Variants in STAT4 observed in about 807,000 individuals in gnomAD.
STAT4 encodes the protein signal transducer and activator of transcription 4.
STAT4 carries 42 observed loss-of-function variants against 110.5 expected under a neutral mutation model. That is an observed-to-expected ratio of 0.38 (90% CI 0.30 to 0.49). STAT4 has a LOEUF of 0.49. Among genes scored for constraint, STAT4 ranks in the 20% least tolerant of loss-of-function variants. The probability of loss-of-function intolerance (pLI) is 0.95; values close to 1 mark genes in which losing one functional copy is unlikely to be tolerated. For synonymous variants in STAT4, 284 were observed against 302.2 expected (o/e 0.94, Z 0.63); for missense variants, 632 against 887.9 (o/e 0.71, Z 3.66).
chr2:191,071,877 G>A (rs1229565016), intron 5 of STAT4, among the ~76,000 whole-genome samples: 4 of 152,202 alleles, frequency 2.6e-5, no homozygotes, highest in Non-Finnish European at 5.9e-5. Context: ...ATGGAGCTAA[G>A]TGAGCATGTG....
intron 8 of STAT4, among the ~76,000 whole-genome samples, chr2:191,063,703 T>C (rs1446426564): frequency 6.6e-6 from 1 of 152,220 alleles, no homozygotes; most frequent in Non-Finnish European, 1.5e-5. Context: ...CCCTGCTGAT[T>C]TGGGGTATGA....
chr2:191,042,893 C>A lies in STAT4; in HGVS notation c.1252-1745G>T, dbSNP rs1696247454. The stretch of plus-strand genomic sequence containing the variant: ...CTCCTGGGTCCAAGTGATTCTCCTG[C>A]CTCAGCCTTCTGAGTAGCTGGGATT... On this transcript the variant is annotated intron_variant, in intron 14 of 23. Coordinates refer to ENST00000392320, the MANE Select transcript of STAT4 (RefSeq NM_003151.4). The surrounding 1 kb of genome is among the most constrained non-coding windows in gnomAD (Gnocchi z 4.2). Among the ~76,000 whole-genome samples, 1 of 152,094 alleles carries A rather than the reference C, an allele frequency of 6.6e-6. No homozygotes were observed. The highest frequency in any genetic ancestry group is 2.4e-5 in the African/African-American group (1 of 41,410).
intron 4 of STAT4, among the ~76,000 whole-genome samples, chr2:191,075,837 C>CTTTCT (rs1697300316): frequency 4.9e-5 from 6 of 121,478 alleles, no homozygotes; most frequent in Admixed American, 8.5e-5. Context: ...TTCTTTCTTT[C>CTTTCT]TTTTTTTTTT....
intron 3 of STAT4, among the ~76,000 whole-genome samples, chr2:191,098,746 T>C (rs1423147813): frequency 6.6e-6 from 1 of 152,156 alleles, no homozygotes; most frequent in Non-Finnish European, 1.5e-5. Context: ...ACCCTAGAAC[T>C]TAAAGTATAA....
At position 191,072,100 on chromosome 2, in the gene STAT4, C is replaced by G. The variant is rs914929000; in HGVS notation, c.465+998G>C. On this transcript the variant is annotated intron_variant, in intron 5 of 23. Transcript: ENST00000392320. The stretch of plus-strand genomic sequence containing the variant: ...CTCAAAACAGTTGGGGATCCATGTA[C>G]AGGCCTGGTAAAGATCTGCTCGGGG... 1.3e-4 allele frequency among the ~76,000 whole-genome samples: 20 copies of G among 152,296 alleles called. No homozygotes were observed. The South Asian group carries it at 2.5e-3, about 19-fold the overall frequency.
chr2:191,091,505 G>A lies in STAT4; in HGVS notation c.274-15180C>T, dbSNP rs952253940. Among the ~76,000 whole-genome samples the A allele has an allele frequency of 6.6e-6, 1 of 152,172 alleles. No individual in the cohort carries two copies. The highest frequency in any genetic ancestry group is 6.5e-5 in the Admixed American group (1 of 15,278). Reference sequence around the variant, plus strand: ...ATAAAAATATTAATTGTCTCAAAATGAGTATGTGTGTTTAATGCAATTAAA... The same window carrying A: ...ATAAAAATATTAATTGTCTCAAAATAAGTATGTGTGTTTAATGCAATTAAA... On this transcript the variant is annotated intron_variant, in intron 3 of 23. Coordinates refer to ENST00000392320, the MANE Select transcript of STAT4 (RefSeq NM_003151.4). This position sits in a 1 kb window ranked among gnomAD's most constrained non-coding sequence, Gnocchi z 5.4.
chr2:191,039,310 G>GA lies in STAT4; in HGVS notation c.1336-14dup, dbSNP rs749655316. On this transcript the variant is annotated splice_polypyrimidine_tract_variant and intron_variant, in intron 15 of 23. Coordinates refer to ENST00000392320, the MANE Select transcript of STAT4 (RefSeq NM_003151.4). The surrounding 1 kb of genome is among the most constrained non-coding windows in gnomAD (Gnocchi z 4.7). ...GCAATGAGCTGGTCTGGTTTGGGGG[G>GA]AAAAAAGCATAGTTATTACAGGTAG... 3 of 1,611,486 alleles carry GA rather than the reference G, an allele frequency of 1.9e-6. No homozygotes were observed. Among genetic ancestry groups the GA allele is most frequent in the Non-Finnish European group, 1.7e-6 (2 of 1,177,822 alleles).
chr2:191,039,316 A>C lies in STAT4; in HGVS notation c.1336-19T>G. The C allele has an allele frequency of 1.9e-6, 3 of 1,610,046 alleles. No individual in the cohort carries two copies. The highest frequency in any genetic ancestry group is 2.6e-6 in the Non-Finnish European group (3 of 1,176,304). ...AGCTGGTCTGGTTTGGGGGGAAAAA[A>C]GCATAGTTATTACAGGTAGTCCCAC... is the stretch of plus-strand genomic sequence containing the variant. On this transcript the variant is annotated intron_variant, in intron 15 of 23. Coordinates refer to ENST00000392320, the MANE Select transcript of STAT4 (RefSeq NM_003151.4). This position sits in a 1 kb window ranked among gnomAD's most constrained non-coding sequence, Gnocchi z 4.7.
chr2:191,066,472 C>T lies in STAT4; in HGVS notation c.588G>A (p.Leu196=). 1 of 1,613,494 alleles carries T rather than the reference C, an allele frequency of 6.2e-7. No individual in the cohort carries two copies. Among genetic ancestry groups the T allele is most frequent in the Non-Finnish European group, 8.5e-7 (1 of 1,179,684 alleles). ...KNSAMVNQEV[L]TLQEMLNSLD... Reference sequence around the variant, plus strand: ...GGCTGTTAAGCATTTCCTGCAGTGTCAAAACTTCCTGATTCACCATGGCAC... The same window carrying T: ...GGCTGTTAAGCATTTCCTGCAGTGTTAAAACTTCCTGATTCACCATGGCAC... The change falls in exon 7 of 24, where the codon TTG becomes TTA. Residue 196 remains leucine (L), a synonymous_variant. Coordinates refer to ENST00000392320, the MANE Select transcript of STAT4 (RefSeq NM_003151.4). The surrounding 1 kb of genome is among the most constrained non-coding windows in gnomAD (Gnocchi z 4.3).
chr2:191,122,310 C>A (rs550298166), intron 3 of STAT4, among the ~76,000 whole-genome samples: 83 of 141,658 alleles, frequency 5.9e-4, no homozygotes, highest in African/African-American at 2.1e-3. Context: ...CTAGACACAC[C>A]CTGAATTCAT....
chr2:191,030,879 A>C lies in STAT4; in HGVS notation c.2220+93T>G. ...GTTCCAATAAATGTGTTTTCTCCCT[A>C]CCCAGGCAGTATTTCAGCCCCTTTG... On this transcript the variant is annotated intron_variant, in intron 23 of 23. Coordinates refer to ENST00000392320, the MANE Select transcript of STAT4 (RefSeq NM_003151.4). The surrounding 1 kb of genome is among the most constrained non-coding windows in gnomAD (Gnocchi z 4.4). The C allele has an allele frequency of 8.7e-7, 1 of 1,151,118 alleles. No homozygotes were observed. The highest frequency in any genetic ancestry group is 1.3e-5 in the South Asian group (1 of 77,570). The allele number at this position is 1,151,118 out of a possible 1,614,324, so 71.3% of individuals were successfully genotyped here.
intron 3 of STAT4, among the ~76,000 whole-genome samples, chr2:191,139,890 T>G (rs1699276725): frequency 6.6e-6 from 1 of 152,188 alleles, no homozygotes. Flanking sequence ...AGCATGGTAC[T>G]GGCATAAAAG....
At chr2:191,063,805 G>A (rs902316039) in intron 8 of STAT4, among the ~76,000 whole-genome samples, 1 of 152,108 alleles carries the variant, frequency 6.6e-6, no homozygotes, top group Non-Finnish European at 1.5e-5. Context: ...GTCTTCCCAA[G>A]GAAAATCAAT....
chr2:191,071,331 G>A (rs921060764), intron 5 of STAT4, among the ~76,000 whole-genome samples: 2 of 152,098 alleles, frequency 1.3e-5, no homozygotes, highest in African/African-American at 4.8e-5. Context: ...TTACTTTGAT[G>A]CTAAGTTTCT....
chr2:191,030,167 C>T lies in STAT4; in HGVS notation c.2221-301G>A, dbSNP rs1012279710. On this transcript the variant is annotated intron_variant, in intron 23 of 23. Transcript: ENST00000392320. The surrounding 1 kb of genome is among the most constrained non-coding windows in gnomAD (Gnocchi z 4.4). ...GTTCAGTTAGACATAAATAACTTGA[C>T]GATTTAAGGGAACTAACATTAGAAT... 3.3e-5 allele frequency among the ~76,000 whole-genome samples: 5 copies of T among 151,968 alleles called. No homozygotes were observed. Among genetic ancestry groups the T allele is most frequent in the East Asian group, 1.9e-4 (1 of 5,192 alleles).
At chr2:191,041,864 TG>T (rs1309800149) in intron 14 of STAT4, among the ~76,000 whole-genome samples, 1 of 152,180 alleles carries the variant, frequency 6.6e-6, no homozygotes. Flanking sequence ...GAGGGAGGTT[TG>T]CTCTTTGGAG....
rs919504304 is a variant in STAT4, at chr2:191,142,510, C to T, written c.273+4103G>A. ...AGCCTGGTTAATGGGTACAAACATA[C>T]AGTTAAATAGAAGGATTAAGTTCTA... On this transcript the variant is annotated intron_variant, in intron 3 of 23. Coordinates refer to ENST00000392320, the MANE Select transcript of STAT4 (RefSeq NM_003151.4). This position sits in a 1 kb window ranked among gnomAD's most constrained non-coding sequence, Gnocchi z 4.1. 3.9e-5 allele frequency among the ~76,000 whole-genome samples: 6 copies of T among 151,986 alleles called. No homozygotes were observed. Among genetic ancestry groups the T allele is most frequent in the African/African-American group, 1.5e-4 (6 of 41,356 alleles).
chr2:191,120,818 C>T (rs1698704524), intron 3 of STAT4, among the ~76,000 whole-genome samples: 1 of 152,130 alleles, frequency 6.6e-6, no homozygotes, highest in Non-Finnish European at 1.5e-5. Flanking sequence ...CATAAAAACC[C>T]TAGAAGAAAA....
intron 15 of STAT4, among the ~76,000 whole-genome samples, chr2:191,040,163 C>T (rs3024877): frequency 0.35 from 53,292 of 152,034 alleles, 9,817 homozygotes; most frequent in Admixed American, 0.49. Flanking sequence ...GATTCATTCA[C>T]GGTGTCCTGC....
Sources: gnomAD v4.1 joint callset for allele counts (sites outside exome capture counted in the v4.1 genomes callset) on GRCh38, gnomAD v4.1.1 for gene constraint, Gnocchi (gnomAD v3.1) non-coding constraint, MANE v1.5 for transcripts, NCBI Gene and HGNC (gene_info 2026-07-23, HGNC 2026-07-21) for gene names.